The following SLC18A2 variants were observed in gnomAD, a reference collection of about 807,000 sequenced individuals.
SLC18A2 encodes solute carrier family 18 member A2.
A neutral mutation model predicts 59.2 loss-of-function variants in SLC18A2; 33 were observed. That is an observed-to-expected ratio of 0.56 (90% CI 0.42 to 0.75). SLC18A2 has a LOEUF of 0.75. SLC18A2 is among the 30% of genes least tolerant of loss of function. The probability of loss-of-function intolerance (pLI) is 0.00; values close to 1 mark genes in which losing one functional copy is unlikely to be tolerated. For missense variants in SLC18A2, 569 were observed against 668.6 expected, an observed-to-expected ratio of 0.85 and a Z score of 1.64; for synonymous variants, 228 against 253.5, an observed-to-expected ratio of 0.90 and a Z score of 0.95.
At chr10:117,271,498 A>C (rs1312464366) in intron 15 of SLC18A2, among the ~76,000 whole-genome samples, 1 of 152,212 alleles carries the variant, frequency 6.6e-6, no homozygotes, top group African/African-American at 2.4e-5. Flanking sequence ...AATTCATTCC[A>C]CATATTTTAA....
chr10:117,255,577 C>G lies in SLC18A2; in HGVS notation c.835-20C>G, dbSNP rs1265878425. ...GAGGGGGCATGGTGCTGCTTCTGAC[C>G]CGTGTTTTTTTCTTGACAGAGTCAG... On this transcript the variant is annotated intron_variant, in intron 8 of 15. Coordinates refer to ENST00000644641, the MANE Select transcript of SLC18A2 (RefSeq NM_003054.6). The G allele has an allele frequency of 3.7e-6, 6 of 1,613,900 alleles. No homozygotes were observed. The highest frequency in any genetic ancestry group is 2.2e-5 in the East Asian group (1 of 44,888).
At chr10:117,275,189 T>C (rs1038839092) in intron 15 of SLC18A2, among the ~76,000 whole-genome samples, 4 of 152,158 alleles carry the variant, frequency 2.6e-5, no homozygotes, top group African/African-American at 9.7e-5. Context: ...TGAATACAAG[T>C]ATCAATTCAC....
chr10:117,252,908 A>G (rs943598131), intron 3 of SLC18A2, among the ~76,000 whole-genome samples: 6 of 152,052 alleles, frequency 3.9e-5, no homozygotes, highest in Non-Finnish European at 7.4e-5. Context: ...AGAAAATGAG[A>G]CTTTGTCTTT....
In SLC18A2 at chr10:117,260,010, T is replaced by C. The variant is rs1844276923; in HGVS notation, c.991+2118T>C. 4.6e-5 allele frequency among the ~76,000 whole-genome samples: 7 copies of C among 152,246 alleles called. No homozygotes were observed. The South Asian group carries it at 1.4e-3, about 31-fold the overall frequency. On this transcript the variant is annotated intron_variant, in intron 10 of 15. Transcript: ENST00000644641. ...GTCTTTCCCCTTTTCCATTGAGTTA[T>C]TCCTGTTCATCTTTTAAACTGCTTA...
rs1424460161 is a variant in SLC18A2 at position 117,269,348 on chromosome 10, G to A, written c.1187-723G>A. The stretch of plus-strand genomic sequence containing the variant: ...ATATACATAATACACATACACACAT[G>A]CATACACACATATACATAGACATAC... On this transcript the variant is annotated intron_variant, in intron 13 of 15. Coordinates refer to ENST00000644641, the MANE Select transcript of SLC18A2 (RefSeq NM_003054.6). This position sits in a 1 kb window ranked among gnomAD's most constrained non-coding sequence, Gnocchi z 5.1. Among the ~76,000 whole-genome samples the A allele has an allele frequency of 6.9e-6, 1 of 145,120 alleles. No individual in the cohort carries two copies. The highest frequency in any genetic ancestry group is 1.5e-5 in the Non-Finnish European group (1 of 65,824).
At chr10:117,272,867 C>T (rs1355415457) in intron 15 of SLC18A2, among the ~76,000 whole-genome samples, 2 of 152,174 alleles carry the variant, frequency 1.3e-5, no homozygotes, top group South Asian at 2.1e-4. Context: ...CGGTGGCGGC[C>T]GACAGCACCT....
At chr10:117,272,858 G>C (rs1221927352) in intron 15 of SLC18A2, among the ~76,000 whole-genome samples, 1 of 152,144 alleles carries the variant, frequency 6.6e-6, no homozygotes, top group Non-Finnish European at 1.5e-5. Flanking sequence ...GGAAGCCAGC[G>C]GTGGCGGCCG....
chr10:117,273,290 C>T (rs1844447555), intron 15 of SLC18A2, among the ~76,000 whole-genome samples: 2 of 152,130 alleles, frequency 1.3e-5, no homozygotes, highest in Admixed American at 1.3e-4. Context: ...ATCAACATTA[C>T]CATTTGAGGA....
rs749250240 is a variant in SLC18A2, at chr10:117,255,637, C to T, written c.875C>T (p.Pro292Leu). 11 of 1,613,690 alleles carry T rather than the reference C, an allele frequency of 6.8e-6. No individual in the cohort carries two copies. Among genetic ancestry groups the T allele is most frequent in the South Asian group, 6.6e-5 (6 of 91,072 alleles). The change falls in exon 9 of 16, where the codon CCG becomes CTG. Residue 292 changes from proline to leucine, a missense_variant. By Grantham distance (98) the Pro-to-Leu change is moderately conservative. Transcript: ENST00000644641. Reference protein sequence around the residue: ...GTPLTTLLKDPYILIAAGSIC... With the variant: ...GTPLTTLLKDLYILIAAGSIC... ...CCCCTAACCACGCTGCTGAAGGACC[C>T]GTACATCCTCATTGCTGCAGGTGGG...
At chr10:117,242,379 C>T (rs1589976251) in intron 2 of SLC18A2, among the ~76,000 whole-genome samples, 1 of 151,838 alleles carries the variant, frequency 6.6e-6, no homozygotes, top group Admixed American at 6.6e-5. Context: ...ATTAAATAAT[C>T]GAAATCCAGG....
chr10:117,276,595 C>T lies in SLC18A2; in HGVS notation c.1441-567C>T, dbSNP rs1223101387. On this transcript the variant is annotated intron_variant, in intron 15 of 15. Coordinates refer to ENST00000644641, the MANE Select transcript of SLC18A2 (RefSeq NM_003054.6). ...CAACACCGCACTCCAACCTGGGTGA[C>T]GAAGCAAGACTTCATCTCAAAAAAA... Among the ~76,000 whole-genome samples the T allele has an allele frequency of 1.6e-4, 15 of 93,964 alleles. No individual in the cohort carries two copies. The Admixed American group carries it at 1.6e-3, about 10-fold the overall frequency. The allele number at this position is 93,964 out of a possible 152,430, so 61.6% of individuals were successfully genotyped here. A position where few individuals can be genotyped will look rare whatever the true frequency, so the allele number is the denominator to read the frequency against.
chr10:117,253,410 C>T lies in SLC18A2; in HGVS notation c.476C>T (p.Pro159Leu), dbSNP rs1383503842. The T allele has an allele frequency of 6.2e-7, 1 of 1,613,408 alleles. No individual in the cohort carries two copies. The highest frequency in any genetic ancestry group is 8.5e-7 in the Non-Finnish European group (1 of 1,179,378). ...IGLLTNRIGY[P>L]IPIFAGFCIM... is the part of the protein sequence containing the mutation. ...TTTGTGTTTTGCAGAATTGGCTATC[C>T]AATTCCCATATTTGCGGGATTCTGC... Residue 159 changes from proline to leucine, a missense_variant, in exon 4 of 16, where the codon CCA becomes CTA. By Grantham distance (98) the Pro-to-Leu change is moderately conservative. Around this residue, in one of 2 missense-constraint regions of SLC18A2, gnomAD observed 377 missense variants for 389.8 expected, o/e 0.97. Coordinates refer to ENST00000644641, the MANE Select transcript of SLC18A2 (RefSeq NM_003054.6).
intron 10 of SLC18A2, among the ~76,000 whole-genome samples, chr10:117,262,352 C>A (rs1044000461): frequency 6.6e-6 from 1 of 152,188 alleles, no homozygotes; most frequent in African/African-American, 2.4e-5. Flanking sequence ...CTCTGAACTC[C>A]CTAGCAGCCA....
intron 10 of SLC18A2, among the ~76,000 whole-genome samples, chr10:117,263,853 G>T (rs906173616): frequency 3.3e-5 from 5 of 152,152 alleles, no homozygotes; most frequent in Admixed American, 3.3e-4. Context: ...GGGATGGAGG[G>T]TAGGACACGG....
chr10:117,277,159 TA>T lies in SLC18A2; in HGVS notation c.1441-2del, dbSNP rs1197488101. On this transcript the variant is annotated splice_acceptor_variant, in intron 15 of 15. Transcript: ENST00000644641. LOFTEE classifies it high-confidence loss of function. ...AATATACTTGCACTTTGCTCTCTTT[TA>T]GGCTATTCTCATGGATCACAACTGC... is the stretch of plus-strand genomic sequence containing the variant. The T allele has an allele frequency of 6.5e-7, 1 of 1,546,686 alleles. No homozygotes were observed.
rs1844398479 is a variant in SLC18A2 at position 117,269,435 on chromosome 10, C to T, written c.1187-636C>T. On this transcript the variant is annotated intron_variant, in intron 13 of 15. Transcript: ENST00000644641. The surrounding 1 kb of genome is among the most constrained non-coding windows in gnomAD (Gnocchi z 5.1). The stretch of plus-strand genomic sequence containing the variant: ...ATACACACATATACATACAGACATA[C>T]ACCCCAGCAACAACCACGACCAGCA... Among the ~76,000 whole-genome samples the T allele has an allele frequency of 1.3e-5, 2 of 152,140 alleles. No individual in the cohort carries two copies. Among genetic ancestry groups the T allele is most frequent in the Admixed American group, 1.3e-4 (2 of 15,274 alleles).
At chr10:117,243,949 G>C (rs1211822399) in intron 2 of SLC18A2, 22 bp from the exon 3 acceptor site, 2 of 1,588,654 alleles carry the variant, frequency 1.3e-6, no homozygotes, top group East Asian at 4.5e-5. Context: ...TCACCACCTT[G>C]CCATTCTGCT....
At chr10:117,270,910 A>C (rs1431940765) in intron 15 of SLC18A2, among the ~76,000 whole-genome samples, 1 of 152,138 alleles carries the variant, frequency 6.6e-6, no homozygotes, top group African/African-American at 2.4e-5. Flanking sequence ...TTTAGAGATG[A>C]TTTTACGATT....
At position 117,273,031 on chromosome 10, in the gene SLC18A2, G is replaced by A. The variant is rs539146820; in HGVS notation, c.1440+2568G>A. Among the ~76,000 whole-genome samples, 15 of 152,338 alleles carry A rather than the reference G, an allele frequency of 9.8e-5. No homozygotes were observed. The East Asian group carries it at 2.9e-3, about 29-fold the overall frequency. On this transcript the variant is annotated intron_variant, in intron 15 of 15. Coordinates refer to ENST00000644641, the MANE Select transcript of SLC18A2 (RefSeq NM_003054.6). ...GGGATGTGAGGGCCAGAAGGCATAC[G>A]ACCCTTAGCAAATCATTCTTCCATT...
Sources: allele counts gnomAD v4.1 joint callset (sites outside exome capture counted in the v4.1 genomes callset), GRCh38; gene constraint gnomAD v4.1.1; regional missense constraint gnomAD v4.1.1; non-coding constraint Gnocchi (gnomAD v3.1); transcripts MANE v1.5; gene names NCBI Gene and HGNC (gene_info 2026-07-23, HGNC 2026-07-21).